The following TENM3 variants were observed in gnomAD, a reference collection of about 807,000 sequenced individuals.
TENM3 encodes the protein teneurin-3.
TENM3 carries 63 observed loss-of-function variants against 255.1 expected under a neutral mutation model. That is an observed-to-expected ratio of 0.25 (90% CI 0.20 to 0.30). The LOEUF (loss-of-function observed/expected upper bound fraction) is 0.30. Ranked by LOEUF, TENM3 falls within the 10% of genes least tolerant of loss-of-function variation. The pLI, the probability that TENM3 is intolerant of heterozygous loss-of-function variation, is 1.00. For synonymous variants in TENM3, 1,306 were observed against 1,322.3 expected, an observed-to-expected ratio of 0.99 and a Z score of 0.27; for missense variants, 2,929 against 3,461.1, an observed-to-expected ratio of 0.85 and a Z score of 3.86.
At chr4:182,242,013 T>C (rs934859832), upstream of TENM3, among the ~76,000 whole-genome samples, 3 of 147,596 alleles carry the variant, frequency 2.0e-5, no homozygotes, top group Non-Finnish European at 4.4e-5. Context: ...CTTTTTTTTT[T>C]TCCTCTCTCT....
intron 1 of TENM3, among the ~76,000 whole-genome samples, chr4:182,187,258 G>A (rs934967307): frequency 4.6e-5 from 7 of 152,064 alleles, no homozygotes; most frequent in African/African-American, 1.7e-4. Flanking sequence ...ATTCATTCTA[G>A]TTCTTTTCTT....
chr4:181,587,579 G>A, the TENM3 span, among the ~76,000 whole-genome samples: 8 of 152,200 alleles, frequency 5.3e-5, no homozygotes, highest in Non-Finnish European at 8.8e-5. Flanking sequence ...GGGCAAAGAA[G>A]TTGAGTGATG....
chr4:182,076,541 G>A, the TENM3 span, among the ~76,000 whole-genome samples: 1 of 152,140 alleles, frequency 6.6e-6, no homozygotes, highest in African/African-American at 2.4e-5. Flanking sequence ...GTGACCACCT[G>A]ATCCTTCAAG....
the TENM3 span, among the ~76,000 whole-genome samples, chr4:181,958,855 A>G: frequency 4.6e-5 from 7 of 152,224 alleles, no homozygotes; most frequent in Non-Finnish European, 7.3e-5. Context: ...AATATTTATT[A>G]AATAATGTAA....
intron 3 of TENM3, among the ~76,000 whole-genome samples, chr4:182,413,033 A>C (rs1770106978): frequency 6.6e-6 from 1 of 152,098 alleles, no homozygotes; most frequent in African/African-American, 2.4e-5. Flanking sequence ...CCTGACAAGT[A>C]GTGTTAAGGA....
chr4:182,072,899 G>A, the TENM3 span, among the ~76,000 whole-genome samples: 2,852 of 152,222 alleles, frequency 0.019, 81 homozygotes, highest in African/African-American at 0.065. Context: ...TGGAAATAGG[G>A]CCTTTAGGAA....
chr4:181,832,652 A>G, the TENM3 span, among the ~76,000 whole-genome samples: 1 of 152,218 alleles, frequency 6.6e-6, no homozygotes, highest in African/African-American at 2.4e-5. Context: ...GCAGAGGAGA[A>G]AGGAAAGATA....
At chr4:182,771,655 G>T (rs1764233563) in intron 22 of TENM3, among the ~76,000 whole-genome samples, 1 of 152,184 alleles carries the variant, frequency 6.6e-6, no homozygotes, top group Admixed American at 6.5e-5. Flanking sequence ...AGAACTTTAG[G>T]CTGGTTTTGT....
At chr4:181,557,692 A>AT in the TENM3 span, among the ~76,000 whole-genome samples, 20,327 of 150,072 alleles carry the variant, frequency 0.14, 1,450 homozygotes, top group East Asian at 0.18. Flanking sequence ...ACCCCCAGCT[A>AT]TTTTTTTTTT....
At chr4:182,231,072 C>G (rs1032969070) in intron 1 of TENM3, among the ~76,000 whole-genome samples, 1 of 151,712 alleles carries the variant, frequency 6.6e-6, no homozygotes, top group Non-Finnish European at 1.5e-5. Flanking sequence ...ACCGGGGCCT[C>G]CTTGTGTTCC....
At chr4:182,299,704 A>G (rs548623635) in intron 1 of TENM3, among the ~76,000 whole-genome samples, 1 of 152,238 alleles carries the variant, frequency 6.6e-6, no homozygotes, top group Non-Finnish European at 1.5e-5. Context: ...TAGAGATGGG[A>G]CAAGTAAGTT....
chr4:181,937,675 A>G, the TENM3 span, among the ~76,000 whole-genome samples: 167 of 152,290 alleles, frequency 1.1e-3, no homozygotes, highest in African/African-American at 3.9e-3. Flanking sequence ...GCACTACTAC[A>G]AAAGCTGAGA....
the TENM3 span, among the ~76,000 whole-genome samples, chr4:181,781,815 A>G: frequency 0.93 from 141,735 of 152,212 alleles, 66,317 homozygotes; most frequent in South Asian, 0.99. Context: ...TTTATTGAGA[A>G]TTTTTAGCAT....
chr4:182,792,599 T>A lies in TENM3; in HGVS notation c.5927T>A (p.Val1976Asp), dbSNP rs748845471. ...VSFTYDETAG[V>D]LKTVNLQSDG... ...TTTACCTATGATGAAACAGCAGGAG[T>A]CCTAAAGACAGTAAACCTCCAGAGT... The change falls in exon 26 of 28, where the codon GTC (valine) becomes GAC (aspartate). Residue 1976 changes from valine (V) to aspartate (D), a missense_variant. Around this residue, in one of 6 missense-constraint regions of TENM3, gnomAD observed 303 missense variants for 425.2 expected, o/e 0.71. Coordinates refer to ENST00000511685, the MANE Select transcript of TENM3 (RefSeq NM_001080477.4). This position sits in a 1 kb window ranked among gnomAD's most constrained non-coding sequence, Gnocchi z 6.3. The A allele has an allele frequency of 3.1e-6, 5 of 1,613,810 alleles. No homozygotes were observed. Among genetic ancestry groups the A allele is most frequent in the Non-Finnish European group, 3.4e-6 (4 of 1,179,856 alleles).
At chr4:181,677,707 G>A in the TENM3 span, among the ~76,000 whole-genome samples, 4 of 151,922 alleles carry the variant, frequency 2.6e-5, no homozygotes, top group Non-Finnish European at 4.4e-5. Context: ...ATGCCTTTTC[G>A]TTTTTCTTTA....
At chr4:182,507,098 A>G (rs1736906298) in intron 3 of TENM3, among the ~76,000 whole-genome samples, 1 of 152,194 alleles carries the variant, frequency 6.6e-6, no homozygotes, top group Non-Finnish European at 1.5e-5. Flanking sequence ...CAACATCTGA[A>G]ATTGAAAAGC....
At chr4:182,495,456 G>T (rs751349279) in intron 3 of TENM3, among the ~76,000 whole-genome samples, 4 of 151,810 alleles carry the variant, frequency 2.6e-5, no homozygotes, top group Non-Finnish European at 5.9e-5. Context: ...TTGTGACGTT[G>T]AGTAACAGAA....
rs1005461758 is a variant in TENM3, at chr4:182,200,652, G to A, written c.-76+55898G>A. On this transcript the variant is annotated intron_variant, in intron 1 of 2. Transcript: ENST00000512480. ...AAAGAACACAGATTATAGAAAATTA[G>A]CTCCTGGCATGGAAGATTAGAAGCA... Among the ~76,000 whole-genome samples the A allele has an allele frequency of 7.9e-5, 12 of 152,098 alleles. No homozygotes were observed. In the South Asian group the frequency reaches 1.2e-3, roughly 16 times the overall value.
At chr4:182,052,728 A>G in the TENM3 span, among the ~76,000 whole-genome samples, 2 of 152,058 alleles carry the variant, frequency 1.3e-5, no homozygotes, top group African/African-American at 4.8e-5. Context: ...GCAGATGGGA[A>G]ATGGGGGCCA....
Sources: gnomAD v4.1 joint callset for allele counts (sites outside exome capture counted in the v4.1 genomes callset) on GRCh38, gnomAD v4.1.1 for gene constraint, gnomAD v4.1.1 regional missense constraint, Gnocchi (gnomAD v3.1) non-coding constraint, MANE v1.5 for transcripts, NCBI Gene and HGNC (gene_info 2026-07-23, HGNC 2026-07-21) for gene names.